Variants in COPB1 observed in about 807,000 individuals in gnomAD.
The protein encoded by COPB1 is coatomer subunit beta.
A neutral mutation model predicts 108.7 loss-of-function variants in COPB1; 21 were observed. The observed-to-expected ratio is 0.19, with a 90% CI of 0.14 to 0.28. The LOEUF (loss-of-function observed/expected upper bound fraction) is 0.28, where lower values mean the gene tolerates loss of function less well. Among genes scored for constraint, COPB1 ranks in the 10% least tolerant of loss-of-function variants. The pLI is 1.00. For synonymous variants in COPB1, 378 were observed against 386.8 expected, an observed-to-expected ratio of 0.98 and a Z score of 0.27; for missense variants, 919 against 1,141.3, an observed-to-expected ratio of 0.81 and a Z score of 2.81.
At chr11:14,465,894 T>G (rs1306021984) in intron 17 of COPB1, among the ~76,000 whole-genome samples, 1 of 152,248 alleles carries the variant, frequency 6.6e-6, no homozygotes, top group Admixed American at 6.5e-5. Flanking sequence ...ATATGATTTA[T>G]TACTTTGGTC....
chr11:14,486,525 A>C, intron 6 of COPB1, 21 bp from the exon 7 acceptor site: 1 of 1,607,006 alleles, frequency 6.2e-7, no homozygotes, highest in Non-Finnish European at 8.5e-7. Flanking sequence ...AAACATTAAC[A>C]TTTCAACCGA....
At chr11:14,458,715 A>G in intron 20 of COPB1, 28 bp from the exon 21 acceptor site, 1 of 1,599,296 alleles carries the variant, frequency 6.3e-7, no homozygotes, top group Non-Finnish European at 8.5e-7. Flanking sequence ...TAAATTCATT[A>G]CTTTACCAGA....
chr11:14,483,203 T>G lies in COPB1; in HGVS notation c.838-52A>C, dbSNP rs1850700086. ...AGAAGTTATTCATCTATCATAAAAT[T>G]TGAAAATAAGCATGCGCGCGCACAC... On this transcript the variant is annotated intron_variant, in intron 7 of 21. Coordinates refer to ENST00000439561, the MANE Select transcript of COPB1 (RefSeq NM_001144061.2). The G allele has an allele frequency of 4.3e-6, 6 of 1,408,656 alleles. No individual in the cohort carries two copies. The East Asian group carries it at 1.5e-4, about 35-fold the overall frequency. The allele number at this position is 1,408,656 out of a possible 1,614,324, so 87.3% of individuals were successfully genotyped here.
At chr11:14,477,862 A>G (rs1286522440) in intron 11 of COPB1, among the ~76,000 whole-genome samples, 2 of 146,874 alleles carry the variant, frequency 1.4e-5, no homozygotes, top group Non-Finnish European at 3.0e-5. Context: ...GCGCCACTGC[A>G]CTCTAGCCTG....
chr11:14,461,105 T>C, intron 19 of COPB1, 81 bp downstream of exon 19: 1 of 1,550,138 alleles, frequency 6.5e-7, no homozygotes, highest in Non-Finnish European at 8.8e-7. Context: ...TTTAGCGAGA[T>C]TAATTTTATT....
intron 16 of COPB1, among the ~76,000 whole-genome samples, chr11:14,467,199 C>A (rs1330668983): frequency 2.0e-5 from 3 of 151,228 alleles, no homozygotes; most frequent in Non-Finnish European, 3.0e-5. Context: ...ACAAAAAAAA[C>A]CAACAACCCA....
chr11:14,477,459 A>G (rs1337257594), intron 11 of COPB1, among the ~76,000 whole-genome samples: 1 of 150,982 alleles, frequency 6.6e-6, no homozygotes, highest in Non-Finnish European at 1.5e-5. Flanking sequence ...TCGGAGGCTG[A>G]GGCCAGCGGA....
intron 16 of COPB1, among the ~76,000 whole-genome samples, chr11:14,468,151 T>C (rs1003786575): frequency 1.3e-5 from 2 of 152,222 alleles, no homozygotes; most frequent in African/African-American, 4.8e-5. Flanking sequence ...ATTCCAATTC[T>C]GCTACTGACC....
chr11:14,473,647 A>T (rs2134105859), intron 14 of COPB1, among the ~76,000 whole-genome samples: 1 of 152,284 alleles, frequency 6.6e-6, no homozygotes, highest in East Asian at 1.9e-4. Flanking sequence ...GCATCCCAAA[A>T]CAACTATGAT....
At chr11:14,483,338 GGTTCCTCTAGTCCCTT>G (rs1850704608) in intron 7 of COPB1, among the ~76,000 whole-genome samples, 187 bp from the exon 8 acceptor site, 1 of 151,388 alleles carries the variant, frequency 6.6e-6, no homozygotes, top group Non-Finnish European at 1.5e-5. Flanking sequence ...CTGAGGAATG[GGTTCCTCTAGTCCCTT>G]GTTATTTTTC....
chr11:14,475,093 CAAAAAAAAAA>C (rs146181255), intron 13 of COPB1, among the ~76,000 whole-genome samples: 9 of 71,572 alleles, frequency 1.3e-4, no homozygotes, highest in African/African-American at 4.0e-4. Flanking sequence ...GACTCTGTGT[CAAAAAAAAAA>C]AAAAAAAAAA....
intron 2 of COPB1, among the ~76,000 whole-genome samples, chr11:14,495,311 G>A (rs992155693): frequency 6.6e-6 from 1 of 152,104 alleles, no homozygotes; most frequent in Non-Finnish European, 1.5e-5. Flanking sequence ...TTGGGAAGGG[G>A]AGAACAAAGA....
At chr11:14,494,479 CAAAAG>C in intron 2 of COPB1, 40 bp from the exon 3 acceptor site, 1 of 1,202,548 alleles carries the variant, frequency 8.3e-7, no homozygotes, top group Admixed American at 2.2e-5. Flanking sequence ...ACAATTATTT[CAAAAG>C]AAAATTCATC....
At chr11:14,470,944 A>ACACACACACACACT (rs1285522756) in intron 14 of COPB1, among the ~76,000 whole-genome samples, 19 of 90,150 alleles carry the variant, frequency 2.1e-4, no homozygotes, top group Middle Eastern at 5.3e-3. Flanking sequence ...ACACACACAC[A>ACACACACACACACT]CTCTCTCTCT....
At chr11:14,484,483 G>C (rs986241021) in intron 7 of COPB1, among the ~76,000 whole-genome samples, 2 of 152,204 alleles carry the variant, frequency 1.3e-5, no homozygotes, top group Admixed American at 1.3e-4. Context: ...ACTTTGGGAG[G>C]TCGAGGCGGG....
intron 14 of COPB1, among the ~76,000 whole-genome samples, chr11:14,472,292 G>T (rs930891028): frequency 2.0e-5 from 3 of 152,188 alleles, no homozygotes; most frequent in Non-Finnish European, 4.4e-5. Flanking sequence ...AATTGTCAAT[G>T]AACAGTAATA....
In COPB1 at chr11:14,486,455, T is replaced by C. The variant is rs1291887695; in HGVS notation, c.749A>G (p.Tyr250Cys). ...AGGGCTGGATGACTGTAATAAGTTA[T>C]AGATGCAGCGAATAAAACGAGCTCT... Reference protein sequence around the residue: ...SERARFIRCIYNLLQSSSPAV... With the variant: ...SERARFIRCICNLLQSSSPAV... Residue 250 changes from tyrosine to cysteine, a missense_variant, in exon 7 of 22, where the codon TAT becomes TGT. Transcript: ENST00000439561. The C allele has an allele frequency of 3.7e-6, 6 of 1,614,118 alleles. No individual in the cohort carries two copies. Among genetic ancestry groups the C allele is most frequent in the Admixed American group, 1.7e-5 (1 of 60,016 alleles).
intron 14 of COPB1, among the ~76,000 whole-genome samples, chr11:14,471,277 T>A (rs1850396553): frequency 6.6e-6 from 1 of 152,178 alleles, no homozygotes; most frequent in Admixed American, 6.5e-5. Context: ...AGTGAGATTA[T>A]AAGCAACCAA....
chr11:14,498,488 G>A lies in COPB1; in HGVS notation c.91+350C>T, dbSNP rs143022114. On this transcript the variant is annotated intron_variant, in intron 2 of 21. Transcript: ENST00000439561. ...GGTTTTACAAGCTAAGTAACATGAAGTTAAGTGCACGATGGAATTAAGATA... is the reference window on the plus strand; with the variant it reads ...GGTTTTACAAGCTAAGTAACATGAAATTAAGTGCACGATGGAATTAAGATA... Among the ~76,000 whole-genome samples, 111 of 152,324 alleles carry A rather than the reference G, an allele frequency of 7.3e-4. 1 individual carries two copies. The highest frequency in any genetic ancestry group is 2.4e-3 in the African/African-American group (100 of 41,582).
Sources: allele counts gnomAD v4.1 joint callset (sites outside exome capture counted in the v4.1 genomes callset), GRCh38; gene constraint gnomAD v4.1.1; transcripts MANE v1.5; gene names NCBI Gene and HGNC (gene_info 2026-07-23, HGNC 2026-07-21).